Variants in FRMPD1 observed in about 807,000 individuals in gnomAD.
The protein encoded by FRMPD1 is FERM and PDZ domain containing 1, also known as FERM and PDZ domain-containing protein 1.
FRMPD1 carries 76 observed loss-of-function variants against 117.8 expected under a neutral mutation model. The observed-to-expected ratio is 0.65, with a 90% CI of 0.54 to 0.78. The LOEUF is 0.78. Ranked by LOEUF, FRMPD1 falls within the 30% of genes least tolerant of loss-of-function variation. The probability of loss-of-function intolerance (pLI) is 0.00; values close to 1 mark genes in which losing one functional copy is unlikely to be tolerated. For synonymous variants in FRMPD1, 783 were observed against 770.4 expected, an observed-to-expected ratio of 1.02 and a Z score of -0.27; for missense variants, 1,786 against 1,964.5, an observed-to-expected ratio of 0.91 and a Z score of 1.72.
intron 1 of FRMPD1, among the ~76,000 whole-genome samples, chr9:37,676,423 A>T (rs2117882559): frequency 6.6e-6 from 1 of 152,192 alleles, no homozygotes; most frequent in Middle Eastern, 3.4e-3. Flanking sequence ...GAGGTTAGGG[A>T]CAGAGGGCAG....
chr9:37,669,604 T>A (rs998650503), intron 1 of FRMPD1, among the ~76,000 whole-genome samples: 1 of 152,204 alleles, frequency 6.6e-6, no homozygotes, highest in Non-Finnish European at 1.5e-5. Context: ...CTGTTGCTGC[T>A]GCTAGCTTTG....
At chr9:37,653,151 C>T (rs1820732117) in intron 1 of FRMPD1, among the ~76,000 whole-genome samples, 1 of 152,128 alleles carries the variant, frequency 6.6e-6, no homozygotes, top group South Asian at 2.1e-4. Context: ...CTGGAATCCT[C>T]GCTGGCTGTG....
chr9:37,731,220 T>C, intron 9 of FRMPD1, 117 bp downstream of exon 9: 1 of 884,732 alleles, frequency 1.1e-6, no homozygotes. Context: ...ATTCTCTTTA[T>C]CTGAAGGAGA....
chr9:37,631,905 T>C, the FRMPD1 span, among the ~76,000 whole-genome samples: 1 of 152,326 alleles, frequency 6.6e-6, no homozygotes, highest in South Asian at 2.1e-4. Context: ...GTGCCTGGCC[T>C]CCATGTTTCT....
chr9:37,746,362 A>T lies in FRMPD1; in HGVS notation c.4330A>T (p.Asn1444Tyr). The T allele has an allele frequency of 6.2e-7, 1 of 1,612,654 alleles. No homozygotes were observed. Among genetic ancestry groups the T allele is most frequent in the Non-Finnish European group, 8.5e-7 (1 of 1,179,686 alleles). ...TTTAGAAACTTCCTGGGGGGTTGGA[A>T]ACAAACATCCCCCAGAGAAGTGCAC... ...DILETSWGVG[N>Y]KHPPEKCTWH... Residue 1444 changes from asparagine (N) to tyrosine (Y), a missense_variant, in exon 16 of 16, where the codon AAC becomes TAC. Asn to Tyr is a moderately radical substitution (Grantham distance 143). Coordinates refer to ENST00000377765, the MANE Select transcript of FRMPD1 (RefSeq NM_014907.3).
At chr9:37,657,182 C>T (rs1296833716) in intron 1 of FRMPD1, among the ~76,000 whole-genome samples, 1 of 152,164 alleles carries the variant, frequency 6.6e-6, no homozygotes, top group Non-Finnish European at 1.5e-5. Context: ...GCTGTGCTTC[C>T]TGTTCTTTGA....
At chr9:37,609,182 C>T in the FRMPD1 span, among the ~76,000 whole-genome samples, 1 of 151,774 alleles carries the variant, frequency 6.6e-6, no homozygotes, top group African/African-American at 2.4e-5. Flanking sequence ...ATCCCAGCTA[C>T]TTGGGAGGCT....
At chr9:37,637,670 A>G in the FRMPD1 span, among the ~76,000 whole-genome samples, 1 of 152,226 alleles carries the variant, frequency 6.6e-6, no homozygotes, top group Non-Finnish European at 1.5e-5. Context: ...AGCATAGACT[A>G]GAAAAGTTCC....
chr9:37,613,060 G>A, the FRMPD1 span, among the ~76,000 whole-genome samples: 4 of 152,180 alleles, frequency 2.6e-5, no homozygotes, highest in East Asian at 1.9e-4. Flanking sequence ...TCATGAAAAC[G>A]TTCAAGCAAA....
At chr9:37,608,189 C>T in the FRMPD1 span, among the ~76,000 whole-genome samples, 4 of 152,232 alleles carry the variant, frequency 2.6e-5, no homozygotes, top group Non-Finnish European at 5.9e-5. Flanking sequence ...CTGCCTCATT[C>T]TCCATGTCAA....
At chr9:37,686,542 C>G (rs1821955333) in intron 1 of FRMPD1, among the ~76,000 whole-genome samples, 1 of 152,228 alleles carries the variant, frequency 6.6e-6, no homozygotes, top group South Asian at 2.1e-4. Context: ...CTCTCCTGCT[C>G]AGACCTTGCT....
At position 37,746,453 on chromosome 9, in the gene FRMPD1, G is replaced by A. The variant is rs2118553392; in HGVS notation, c.4421G>A (p.Arg1474Gln). Residue 1474 changes from arginine (R) to glutamine (Q), a missense_variant, in exon 16 of 16, where the codon CGG becomes CAG. Arg to Gln is a conservative substitution (Grantham distance 43, BLOSUM62 1). Transcript: ENST00000377765. ...MGSQKLLSSC[R>Q]HVIRMDQSPE... ...TCCCAGAAGCTCCTGTCGAGCTGTC[G>A]GCATGTGATCAGAATGGACCAGTCC... The A allele has an allele frequency of 3.1e-6, 5 of 1,613,684 alleles. No individual in the cohort carries two copies. Among genetic ancestry groups the A allele is most frequent in the Non-Finnish European group, 4.2e-6 (5 of 1,180,024 alleles).
chr9:37,711,445 A>G, intron 5 of FRMPD1, 50 bp downstream of exon 5: 1 of 1,352,958 alleles, frequency 7.4e-7, no homozygotes, highest in Non-Finnish European at 1.1e-6. Flanking sequence ...TCTTGGCCCT[A>G]AGACCCTGTT....
chr9:37,607,572 T>C, the FRMPD1 span, among the ~76,000 whole-genome samples: 1 of 152,234 alleles, frequency 6.6e-6, no homozygotes, highest in Non-Finnish European at 1.5e-5. Context: ...TCTGTGATTG[T>C]ATGTGACCTT....
chr9:37,622,206 A>C, the FRMPD1 span, among the ~76,000 whole-genome samples: 4 of 152,226 alleles, frequency 2.6e-5, no homozygotes, highest in Non-Finnish European at 5.9e-5. Context: ...AGCTCTGGGC[A>C]CATGGGTGGT....
chr9:37,652,265 T>G (rs1296817470), intron 1 of FRMPD1, among the ~76,000 whole-genome samples: 3 of 152,200 alleles, frequency 2.0e-5, no homozygotes, highest in Admixed American at 2.0e-4. Flanking sequence ...TCAAGACAAT[T>G]TCGGGCATCC....
rs61521469 is a variant in FRMPD1, at chr9:37,696,051, C to CTTTTTTTTTTTTTTT, written c.101+3319_101+3333dup. ...TTGCTCACCGTTCTCCATTGTTTTG[C>CTTTTTTTTTTTTTTT]TTTTTTTTTTTTTTTTTTTTTTTTA... On this transcript the variant is annotated intron_variant, in intron 2 of 15. Coordinates refer to ENST00000377765, the MANE Select transcript of FRMPD1 (RefSeq NM_014907.3). Among the ~76,000 whole-genome samples, 5 of 78,114 alleles carry CTTTTTTTTTTTTTTT rather than the reference C, an allele frequency of 6.4e-5. 1 individual carries two copies. Among genetic ancestry groups the CTTTTTTTTTTTTTTT allele is most frequent in the Admixed American group, 1.6e-4 (1 of 6,210 alleles). 51.2% of individuals were successfully genotyped at this position (78,114 alleles called of 152,430 possible). A position where few individuals can be genotyped will look rare whatever the true frequency, so the allele number is the denominator to read the frequency against.
the FRMPD1 span, among the ~76,000 whole-genome samples, chr9:37,642,087 C>G: frequency 2.0e-5 from 3 of 152,264 alleles, no homozygotes; most frequent in South Asian, 6.2e-4. Context: ...AAGACAATCA[C>G]CATGGGAAAT....
intron 15 of FRMPD1, among the ~76,000 whole-genome samples, chr9:37,741,770 C>G (rs1365248030): frequency 2.0e-5 from 3 of 152,200 alleles, no homozygotes; most frequent in Non-Finnish European, 4.4e-5. Flanking sequence ...TTGCCACTTT[C>G]TACAAGTGCC....
Sources: gnomAD v4.1 joint callset for allele counts (sites outside exome capture counted in the v4.1 genomes callset) on GRCh38, gnomAD v4.1.1 for gene constraint, MANE v1.5 for transcripts, NCBI Gene and HGNC (gene_info 2026-07-23, HGNC 2026-07-21) for gene names.